PML: variants seen among roughly 807,000 people sequenced by gnomAD.
The protein encoded by PML is protein PML.
A neutral mutation model predicts 65.2 loss-of-function variants in PML; 28 were observed. That is an observed-to-expected ratio of 0.43 (90% CI 0.32 to 0.59). The LOEUF is 0.59. Among genes scored for constraint, PML ranks in the 20% least tolerant of loss-of-function variants. The pLI is 0.08. For missense variants in PML, 1,021 were observed against 1,203.4 expected (o/e 0.85, Z 2.24); for synonymous variants, 500 against 508.8 (o/e 0.98, Z 0.23).
At chr15:73,999,495 G>A (rs1266724905) in intron 2 of PML, among the ~76,000 whole-genome samples, 1 of 152,200 alleles carries the variant, frequency 6.6e-6, no homozygotes, top group East Asian at 1.9e-4. Flanking sequence ...TTTCCCCTCC[G>A]ACTCCTCAAC....
chr15:74,043,468 A>G lies in PML; in HGVS notation c.1861+329A>G, dbSNP rs2071735927. 2 of 1,167,366 alleles carry G rather than the reference A, an allele frequency of 1.7e-6. No homozygotes were observed. Among genetic ancestry groups the G allele is most frequent in the Non-Finnish European group, 2.3e-6 (2 of 882,220 alleles). 72.3% of individuals were successfully genotyped at this position (1,167,366 alleles called of 1,614,324 possible). A position where few individuals can be genotyped will look rare whatever the true frequency, so the allele number is the denominator to read the frequency against. On this transcript the variant is annotated intron_variant, in intron 8 of 8. Coordinates refer to ENST00000268058, the MANE Select transcript of PML (RefSeq NM_033238.3). This position sits in a 1 kb window ranked among gnomAD's most constrained non-coding sequence, Gnocchi z 4.3. Reference sequence around the variant, plus strand: ...CACAATGCGTGAGCTCATTGCCGTGAGCCCTGTCATCCAAGTAAGGCCTCT... The same window carrying G: ...CACAATGCGTGAGCTCATTGCCGTGGGCCCTGTCATCCAAGTAAGGCCTCT...
At position 74,024,535 on chromosome 15, in the gene PML, C is replaced by T. The variant is rs1195705894; in HGVS notation, c.1184-322C>T. ...CACTATATGTAGAGAGTCAGTGAGC[C>T]GGTAGTGATGGCTTTATGATTGCGC... On this transcript the variant is annotated intron_variant, in intron 3 of 8. Transcript: ENST00000268058. Among the ~76,000 whole-genome samples the T allele has an allele frequency of 2.6e-5, 4 of 152,144 alleles. No individual in the cohort carries two copies. In the South Asian group the frequency reaches 6.2e-4, roughly 24 times the overall value.
intron 2 of PML, among the ~76,000 whole-genome samples, chr15:74,008,674 G>C (rs2141762229): frequency 6.6e-6 from 1 of 151,834 alleles, no homozygotes; most frequent in African/African-American, 2.4e-5. Flanking sequence ...AGGAGGCGGA[G>C]CTTGCAGTGA....
Position 74,022,988 on chromosome 15 carries a change from G to GGC in PML, c.767_768dup (p.Val257ArgfsTer23), listed in dbSNP as rs2070908878. 6.2e-7 allele frequency: 1 copy of GGC among 1,610,010 alleles called. No homozygotes were observed. Among genetic ancestry groups the GGC allele is most frequent in the African/African-American group, 1.3e-5 (1 of 74,994 alleles). Reference sequence around the variant, plus strand: ...GCTGCAGGAGCAGGATAGTGCCTTTGGCGCGGTTCACGCGCAGATGCACGC... The same window carrying GGC: ...GCTGCAGGAGCAGGATAGTGCCTTTGGCGCGCGGTTCACGCGCAGATGCACGC... On this transcript the variant is annotated frameshift_variant, in exon 3 of 9. Coordinates refer to ENST00000268058, the MANE Select transcript of PML (RefSeq NM_033238.3). LOFTEE classifies it high-confidence loss of function.
At position 74,033,428 on chromosome 15, in the gene PML, T is replaced by C; in HGVS notation, c.1657+14T>C. The C allele has an allele frequency of 6.2e-7, 1 of 1,612,276 alleles. No individual in the cohort carries two copies. The highest frequency in any genetic ancestry group is 8.5e-7 in the Non-Finnish European group (1 of 1,179,582). ...CCGGGGAGGCAGGTAGGGAGGTGGG[T>C]AGGGCAGTGGCCTGGGTGCTGCCCG... On this transcript the variant is annotated intron_variant, in intron 6 of 8. Coordinates refer to ENST00000268058, the MANE Select transcript of PML (RefSeq NM_033238.3).
rs2071585086 is a variant in PML, at chr15:74,037,057, C to T, written c.1710+2527C>T. The T allele has an allele frequency of 1.0e-6, 1 of 985,320 alleles. No individual in the cohort carries two copies. The highest frequency in any genetic ancestry group is 1.7e-5 in the African/African-American group (1 of 57,236). 61.0% of individuals were successfully genotyped at this position (985,320 alleles called of 1,614,324 possible). On this transcript the variant is annotated intron_variant, in intron 7 of 8. Coordinates refer to ENST00000268058, the MANE Select transcript of PML (RefSeq NM_033238.3). The surrounding 1 kb of genome is among the most constrained non-coding windows in gnomAD (Gnocchi z 4.2). The stretch of plus-strand genomic sequence containing the variant: ...GGAGCTTGTCGCCTCTGTGCTGCCA[C>T]CTGGAGACCGAGATCTGCAGGAGAA...
At chr15:74,038,752 G>A (rs934597139) in intron 7 of PML, among the ~76,000 whole-genome samples, 1 of 152,330 alleles carries the variant, frequency 6.6e-6, no homozygotes, top group Non-Finnish European at 1.5e-5. Context: ...TTTGCAGTGA[G>A]GAAAGTTGCA....
chr15:74,044,863 C>A lies in PML; in HGVS notation c.2504C>A (p.Pro835His). The change falls in exon 9 of 9, where the codon CCC becomes CAC. Residue 835 changes from proline (P) to histidine (H), a missense_variant. Physicochemically the swap from Pro to His is moderately conservative, Grantham distance 77 (BLOSUM62 -2). Coordinates refer to ENST00000268058, the MANE Select transcript of PML (RefSeq NM_033238.3). ...CTAAGCCTGCAGACCACCACGTTGC[C>A]CCCTGCCCAGCCTGCTTTCAACCTG... ...RYLSLQTTTL[P>H]PAQPAFNLQA... is the part of the protein sequence containing the mutation. 1 of 1,613,536 alleles carries A rather than the reference C, an allele frequency of 6.2e-7. No individual in the cohort carries two copies. The highest frequency in any genetic ancestry group is 1.3e-5 in the African/African-American group (1 of 75,078).
intron 2 of PML, among the ~76,000 whole-genome samples, chr15:74,005,593 CT>C (rs71137371): frequency 1.7e-4 from 25 of 147,932 alleles, no homozygotes; most frequent in Admixed American, 3.4e-4. Context: ...CCCCAGCAAT[CT>C]TTTTTTTTTT....
intron 7 of PML, among the ~76,000 whole-genome samples, chr15:74,040,143 T>C (rs986104650): frequency 6.6e-6 from 1 of 152,196 alleles, no homozygotes; most frequent in Non-Finnish European, 1.5e-5. Context: ...AAAGAAACAA[T>C]GTCCATTAAC....
intron 4 of PML, among the ~76,000 whole-genome samples, chr15:74,030,332 G>A (rs1268292608): frequency 1.3e-5 from 2 of 152,148 alleles, no homozygotes; most frequent in Non-Finnish European, 2.9e-5. Context: ...GCACGCCGGG[G>A]CAGGAAGAGG....
chr15:74,031,209 C>A, intron 4 of PML: 1 of 423,750 alleles, frequency 2.4e-6, no homozygotes, highest in East Asian at 7.3e-5. Context: ...CCATTCTGGG[C>A]ATTGCATGTA....
chr15:74,022,051 G>A (rs980498069), intron 2 of PML, among the ~76,000 whole-genome samples: 1 of 152,134 alleles, frequency 6.6e-6, no homozygotes, highest in African/African-American at 2.4e-5. Flanking sequence ...TCCGCCTCCC[G>A]GGTTCAAGCA....
At position 74,023,000 on chromosome 15, in the gene PML, G is replaced by A; in HGVS notation, c.775G>A (p.Ala259Thr). Residue 259 changes from alanine to threonine, a missense_variant, in exon 3 of 9, where the codon GCG (alanine) becomes ACG (threonine). Transcript: ENST00000268058. ...GGATAGTGCCTTTGGCGCGGTTCACGCGCAGATGCACGCGGCCGTCGGCCA... is the reference window on the plus strand; with the variant it reads ...GGATAGTGCCTTTGGCGCGGTTCACACGCAGATGCACGCGGCCGTCGGCCA... ...EQDSAFGAVH[A>T]QMHAAVGQLG... The A allele has an allele frequency of 6.2e-7, 1 of 1,609,528 alleles. No homozygotes were observed. The highest frequency in any genetic ancestry group is 1.7e-4 in the Middle Eastern group (1 of 6,056).
At position 74,043,242 on chromosome 15, in the gene PML, C is replaced by T; in HGVS notation, c.1861+103C>T. 6.2e-7 allele frequency: 1 copy of T among 1,603,422 alleles called. No individual in the cohort carries two copies. Among genetic ancestry groups the T allele is most frequent in the Admixed American group, 1.7e-5 (1 of 58,424 alleles). ...CTGCCAGGCCCAGGAGAGCTCTGAGCTCTGGCCAACAACTGCAGCCAGGCT... is the reference window on the plus strand; with the variant it reads ...CTGCCAGGCCCAGGAGAGCTCTGAGTTCTGGCCAACAACTGCAGCCAGGCT... On this transcript the variant is annotated intron_variant, in intron 8 of 8. Coordinates refer to ENST00000268058, the MANE Select transcript of PML (RefSeq NM_033238.3). The surrounding 1 kb of genome is among the most constrained non-coding windows in gnomAD (Gnocchi z 4.3).
chr15:74,033,081 C>T, intron 5 of PML, 75 bp from the exon 6 acceptor site: 1 of 1,547,372 alleles, frequency 6.5e-7, no homozygotes, highest in Admixed American at 1.7e-5. Context: ...GCCACAAGTC[C>T]CTGGCAGTCA....
In PML at chr15:74,044,446, G is replaced by C. The variant is rs1169830713; in HGVS notation, c.2087G>C (p.Arg696Thr). ...TTCCGGGCCCTGGAGGACATTAACA[G>C]GCTGTGGGAATTCCAGGAGGCCATC... ...NFFRALEDINRLWEFQEAISG... is the reference protein window; with the variant it reads ...NFFRALEDINTLWEFQEAISG... The change falls in exon 9 of 9, where the codon AGG becomes ACG. Residue 696 changes from arginine (R) to threonine (T), a missense_variant. By Grantham distance (71) the Arg-to-Thr change is moderately conservative. Transcript: ENST00000268058. The C allele has an allele frequency of 6.2e-7, 1 of 1,614,192 alleles. No individual in the cohort carries two copies. The highest frequency in any genetic ancestry group is 1.1e-5 in the South Asian group (1 of 91,084).
rs1162299032 is a variant in PML, at chr15:74,035,388, C to T, written c.1710+858C>T. Reference sequence around the variant, plus strand: ...CGATGCTGAGCCTCACAGCGAGCCTCCTGATCACCAGGAGCGCCCTGCCGT... The same window carrying T: ...CGATGCTGAGCCTCACAGCGAGCCTTCTGATCACCAGGAGCGCCCTGCCGT... On this transcript the variant is annotated intron_variant, in intron 7 of 8. Transcript: ENST00000268058. The surrounding 1 kb of genome is among the most constrained non-coding windows in gnomAD (Gnocchi z 4.1). 1 of 1,611,872 alleles carries T rather than the reference C, an allele frequency of 6.2e-7. No individual in the cohort carries two copies. Among genetic ancestry groups the T allele is most frequent in the Non-Finnish European group, 8.5e-7 (1 of 1,180,002 alleles).
intron 2 of PML, among the ~76,000 whole-genome samples, chr15:74,010,113 A>G (rs79150404): frequency 0.051 from 7,712 of 150,404 alleles, 282 homozygotes; most frequent in East Asian, 0.19. Context: ...TCCCAGGCCC[A>G]AGTTATCCTC....
Sources: allele counts gnomAD v4.1 joint callset (sites outside exome capture counted in the v4.1 genomes callset), GRCh38; gene constraint gnomAD v4.1.1; non-coding constraint Gnocchi (gnomAD v3.1); transcripts MANE v1.5; gene names NCBI Gene and HGNC (gene_info 2026-07-23, HGNC 2026-07-21).